Variants in SPIDR observed in about 807,000 individuals in gnomAD.
SPIDR encodes the protein scaffold protein involved in DNA repair.
In SPIDR, 93 loss-of-function variants were observed where a neutral mutation model predicts 104.6. The observed-to-expected ratio is 0.89, with a 90% CI of 0.75 to 1.06. The LOEUF is 1.06. Ranked by LOEUF, SPIDR falls within the 50% of genes least tolerant of loss-of-function variation. SPIDR has a pLI of 0.00. For missense variants in SPIDR, 1,154 were observed against 1,111.2 expected (o/e 1.04, Z -0.55); for synonymous variants, 431 against 416.9 (o/e 1.03, Z -0.41).
At position 47,646,366 on chromosome 8, in the gene SPIDR, G is replaced by A. The variant is rs548186936; in HGVS notation, c.1545-27435G>A. ...CACCTTGGCATGTGTATATACAGAT[G>A]TGTGTGTGTGAATTTTAAACAGGTC... On this transcript the variant is annotated intron_variant, in intron 10 of 19. Coordinates refer to ENST00000297423, the MANE Select transcript of SPIDR (RefSeq NM_001080394.4). Among the ~76,000 whole-genome samples, 43 of 152,190 alleles carry A rather than the reference G, an allele frequency of 2.8e-4. No homozygotes were observed. The South Asian group carries it at 8.1e-3, about 29-fold the overall frequency.
chr8:47,279,886 T>C lies in SPIDR; in HGVS notation c.58T>C (p.Cys20Arg). Residue 20 changes from cysteine (C) to arginine (R), a missense_variant, in exon 2 of 20, where the codon TGC becomes CGC. Physicochemically the swap from Cys to Arg is radical, Grantham distance 180. Coordinates refer to ENST00000297423, the MANE Select transcript of SPIDR (RefSeq NM_001080394.4). Reference protein sequence around the residue: ...SKRKRSWNTECPSFPGERPLQ... With the variant: ...SKRKRSWNTERPSFPGERPLQ... ...GAGAAAAAGGAGTTGGAATACAGAA[T>C]GCCCATCCTTTCCAGGAGAAAGACC... 1 of 1,613,620 alleles carries C rather than the reference T, an allele frequency of 6.2e-7. No homozygotes were observed. The highest frequency in any genetic ancestry group is 8.5e-7 in the Non-Finnish European group (1 of 1,179,762).
intron 8 of SPIDR, among the ~76,000 whole-genome samples, chr8:47,471,136 C>T (rs1352964303): frequency 2.6e-5 from 4 of 151,962 alleles, no homozygotes; most frequent in African/African-American, 9.7e-5. Context: ...GATATGACAC[C>T]AAAAGCACAG....
intron 6 of SPIDR, among the ~76,000 whole-genome samples, chr8:47,401,490 C>A (rs1440909208): frequency 6.6e-6 from 1 of 152,018 alleles, no homozygotes; most frequent in African/African-American, 2.4e-5. Flanking sequence ...CAATATAAAC[C>A]TTAAATATAA....
intron 10 of SPIDR, among the ~76,000 whole-genome samples, chr8:47,658,095 C>T (rs1304884262): frequency 6.9e-6 from 1 of 145,330 alleles, no homozygotes; most frequent in Non-Finnish European, 1.5e-5. Flanking sequence ...TCTTTGAAAA[C>T]GTGTTCCATG....
chr8:47,359,732 A>G (rs1358073095), intron 5 of SPIDR, among the ~76,000 whole-genome samples: 1 of 152,132 alleles, frequency 6.6e-6, no homozygotes, highest in Non-Finnish European at 1.5e-5. Flanking sequence ...TCTGTGTGTT[A>G]TGATTGTTTT....
At chr8:47,422,319 TC>T (rs1161436556) in intron 7 of SPIDR, among the ~76,000 whole-genome samples, 12 of 151,980 alleles carry the variant, frequency 7.9e-5, no homozygotes, top group Admixed American at 6.6e-4. Flanking sequence ...CGGGCTCCCC[TC>T]CCCCAGCCTC....
At chr8:47,619,471 C>G (rs113223709) in intron 10 of SPIDR, among the ~76,000 whole-genome samples, 4 of 152,168 alleles carry the variant, frequency 2.6e-5, no homozygotes, top group African/African-American at 9.7e-5. Flanking sequence ...CTAGAAGGCT[C>G]TCTCCTATCT....
intron 11 of SPIDR, among the ~76,000 whole-genome samples, chr8:47,697,453 C>T (rs2079501901): frequency 6.6e-6 from 1 of 152,094 alleles, no homozygotes; most frequent in African/African-American, 2.4e-5. Flanking sequence ...TGATATCTTT[C>T]CACTTAAAAA....
At chr8:47,303,297 C>T (rs1005361519) in intron 5 of SPIDR, among the ~76,000 whole-genome samples, 9 of 152,154 alleles carry the variant, frequency 5.9e-5, no homozygotes, top group Admixed American at 1.3e-4. Context: ...GTTAGAAAAG[C>T]GCAGTATTAG....
chr8:47,503,155 G>A (rs939456458), intron 8 of SPIDR, among the ~76,000 whole-genome samples: 4 of 152,068 alleles, frequency 2.6e-5, no homozygotes, highest in South Asian at 4.2e-4. Context: ...TATTAGTTCC[G>A]CTTGGTGCAG....
In SPIDR at chr8:47,404,656, A is replaced by G. The variant is rs1351241388; in HGVS notation, c.777-3205A>G. On this transcript the variant is annotated intron_variant, in intron 6 of 19. Coordinates refer to ENST00000297423, the MANE Select transcript of SPIDR (RefSeq NM_001080394.4). ...CAAATCAAAACCACAATGAGATACCATGTCACACCAGTTAGAATGGCGATC... is the reference window on the plus strand; with the variant it reads ...CAAATCAAAACCACAATGAGATACCGTGTCACACCAGTTAGAATGGCGATC... Among the ~76,000 whole-genome samples, 29 of 152,196 alleles carry G rather than the reference A, an allele frequency of 1.9e-4. 1 individual carries two copies. The highest frequency in any genetic ancestry group is 1.6e-3 in the Admixed American group (24 of 15,274).
intron 10 of SPIDR, among the ~76,000 whole-genome samples, chr8:47,659,486 A>G (rs909040149): frequency 4.6e-5 from 7 of 152,228 alleles, no homozygotes; most frequent in Non-Finnish European, 8.8e-5. Context: ...TTAACTGTTT[A>G]CTTTGGGAGC....
intron 6 of SPIDR, among the ~76,000 whole-genome samples, chr8:47,403,186 G>GTA (rs2062162083): frequency 6.6e-6 from 1 of 152,138 alleles, no homozygotes; most frequent in Admixed American, 6.5e-5. Context: ...AATAAATTAG[G>GTA]TATATATCGG....
chr8:47,575,646 CAA>C (rs1173651690), intron 8 of SPIDR, among the ~76,000 whole-genome samples: 9 of 45,140 alleles, frequency 2.0e-4, no homozygotes, highest in Non-Finnish European at 3.5e-4. Context: ...GACTCCGTCT[CAA>C]AAAAAAAAAA....
At chr8:47,422,796 AT>A (rs1176817026) in intron 7 of SPIDR, among the ~76,000 whole-genome samples, 6 of 151,856 alleles carry the variant, frequency 4.0e-5, no homozygotes, top group African/African-American at 9.7e-5. Flanking sequence ...GGCTTAAGAA[AT>A]TTTTTTTTAA....
chr8:47,708,251 A>C (rs1296363680), intron 14 of SPIDR, among the ~76,000 whole-genome samples: 4 of 152,254 alleles, frequency 2.6e-5, no homozygotes, highest in Admixed American at 2.6e-4. Flanking sequence ...GTGAGCCGAA[A>C]TTGTGCCACT....
chr8:47,658,184 C>T (rs1314962911), intron 10 of SPIDR, among the ~76,000 whole-genome samples: 2 of 151,956 alleles, frequency 1.3e-5, no homozygotes, highest in Non-Finnish European at 2.9e-5. Flanking sequence ...TTTGGGAGGC[C>T]GAGGCGGGCG....
chr8:47,607,814 A>G (rs548448689), intron 10 of SPIDR, among the ~76,000 whole-genome samples: 2 of 152,102 alleles, frequency 1.3e-5, no homozygotes, highest in Non-Finnish European at 2.9e-5. Context: ...GAATAAAGAC[A>G]TATCAGAACC....
intron 8 of SPIDR, chr8:47,548,020 T>C (rs934575294): frequency 6.6e-6 from 1 of 152,630 alleles, no homozygotes; most frequent in African/African-American, 2.4e-5. Context: ...AATTTTGATA[T>C]GTAATCTTTT....
Sources: gnomAD v4.1 joint callset for allele counts (sites outside exome capture counted in the v4.1 genomes callset) on GRCh38, gnomAD v4.1.1 for gene constraint, MANE v1.5 for transcripts, NCBI Gene and HGNC (gene_info 2026-07-23, HGNC 2026-07-21) for gene names.